Variants in LRIG1 observed in about 807,000 individuals in gnomAD.
LRIG1 encodes leucine-rich repeats and immunoglobulin-like domains protein 1.
A neutral mutation model predicts 99.2 loss-of-function variants in LRIG1; 48 were observed. The ratio of observed to expected loss-of-function variants is 0.48; its 90% CI spans 0.38 to 0.62. The LOEUF (loss-of-function observed/expected upper bound fraction) is 0.62. Among genes scored for constraint, LRIG1 ranks in the 20% least tolerant of loss-of-function variants. The pLI, the probability that LRIG1 is intolerant of heterozygous loss-of-function variation, is 0.00. For synonymous variants in LRIG1, 772 were observed against 596.1 expected (o/e 1.29, Z -4.30); for missense variants, 1,646 against 1,434.4 (o/e 1.15, Z -2.38).
chr3:66,397,887 G>T (rs1057243940), intron 11 of LRIG1, among the ~76,000 whole-genome samples: 4 of 152,216 alleles, frequency 2.6e-5, no homozygotes, highest in Non-Finnish European at 5.9e-5. Flanking sequence ...CTGTCAATGT[G>T]ACTTTATGGG....
intron 3 of LRIG1, among the ~76,000 whole-genome samples, chr3:66,445,588 G>C (rs1412229802): frequency 2.6e-5 from 4 of 152,064 alleles, no homozygotes; most frequent in African/African-American, 9.7e-5. Context: ...TGCACAAAGA[G>C]CTCCACCATC....
At chr3:66,387,985 T>C (rs1244446905) in intron 12 of LRIG1, 2 of 149,710 alleles carry the variant, frequency 1.3e-5, no homozygotes, top group Non-Finnish European at 3.0e-5. Flanking sequence ...CAGGTGCCTG[T>C]AGTCCCAGCT....
intron 8 of LRIG1, chr3:66,405,651 CAT>C (rs1289257133): frequency 1.0e-6 from 1 of 978,068 alleles, no homozygotes; most frequent in African/African-American, 1.7e-5. Flanking sequence ...CGTCTGCTCT[CAT>C]ACCAACCAGA....
At chr3:66,474,576 C>A (rs948587218) in intron 1 of LRIG1, among the ~76,000 whole-genome samples, 1 of 152,126 alleles carries the variant, frequency 6.6e-6, no homozygotes, top group African/African-American at 2.4e-5. Flanking sequence ...GAACTCCTGA[C>A]CTCAGGTGAT....
At chr3:66,382,490 C>A (rs1297049749) in intron 15 of LRIG1, 92 bp from the exon 16 acceptor site, 2 of 1,418,814 alleles carry the variant, frequency 1.4e-6, no homozygotes, top group South Asian at 2.4e-5. Context: ...GGGGATCCTC[C>A]CAGTGACGAC....
intron 3 of LRIG1, among the ~76,000 whole-genome samples, chr3:66,439,637 A>T (rs559721545): frequency 1.1e-4 from 16 of 152,252 alleles, no homozygotes; most frequent in Admixed American, 3.9e-4. Context: ...AGCTTAGAAT[A>T]AGTCAGTTTT....
intron 12 of LRIG1, among the ~76,000 whole-genome samples, chr3:66,389,747 C>T (rs148820039): frequency 1.9e-4 from 29 of 152,228 alleles, no homozygotes; most frequent in African/African-American, 6.3e-4. Context: ...CTTTCAACAA[C>T]GGATAGAACT....
chr3:66,418,113 G>A (rs1479207073), intron 3 of LRIG1, among the ~76,000 whole-genome samples: 1 of 145,566 alleles, frequency 6.9e-6, no homozygotes, highest in South Asian at 2.2e-4. Context: ...TTGTTTTTGA[G>A]ACAGAGTCTC....
intron 3 of LRIG1, among the ~76,000 whole-genome samples, chr3:66,431,829 C>G (rs1703182436): frequency 6.6e-6 from 1 of 152,186 alleles, no homozygotes; most frequent in African/African-American, 2.4e-5. Context: ...ACTCACACAC[C>G]TGGAGACTGT....
chr3:66,492,027 G>A (rs989291661), intron 1 of LRIG1, among the ~76,000 whole-genome samples: 3 of 152,188 alleles, frequency 2.0e-5, no homozygotes, highest in African/African-American at 7.2e-5. Context: ...AAAAGAAGCT[G>A]TACCTGCAAC....
intron 11 of LRIG1, among the ~76,000 whole-genome samples, chr3:66,395,414 G>T (rs950977791): frequency 6.6e-6 from 1 of 152,188 alleles, no homozygotes; most frequent in Non-Finnish European, 1.5e-5. Flanking sequence ...AGAATGAAGT[G>T]TAAGCAGATG....
At chr3:66,456,548 G>C (rs547326190) in intron 2 of LRIG1, among the ~76,000 whole-genome samples, 1 of 149,312 alleles carries the variant, frequency 6.7e-6, no homozygotes. Context: ...ACTCTAGCCT[G>C]GGCAACAGAG....
At position 66,382,965 on chromosome 3, in the gene LRIG1, C is replaced by T. The variant is rs139441807; in HGVS notation, c.2491+17G>A. On this transcript the variant is annotated intron_variant, in intron 15 of 18. Coordinates refer to ENST00000273261, the MANE Select transcript of LRIG1 (RefSeq NM_015541.3). ...TTCCTCCCTCCTTGAAAGTCAGCTC[C>T]GCTGGCAGGGCCTGACCTGTGTTGG... 2.3e-4 allele frequency: 363 copies of T among 1,579,374 alleles called. 1 individual carries two copies. The highest frequency in any genetic ancestry group is 2.0e-3 in the African/African-American group (150 of 74,498).
At chr3:66,419,672 C>T (rs1468354334) in intron 3 of LRIG1, among the ~76,000 whole-genome samples, 1 of 152,102 alleles carries the variant, frequency 6.6e-6, no homozygotes, top group Non-Finnish European at 1.5e-5. Context: ...ATGGATGCCA[C>T]AGTGGGCCAG....
chr3:66,404,163 A>G, intron 9 of LRIG1: 2 of 1,005,640 alleles, frequency 2.0e-6, no homozygotes, highest in Non-Finnish European at 2.7e-6. Context: ...ACCCTTGTAT[A>G]TAAAAGGTGC....
At chr3:66,476,556 C>A (rs140156164) in intron 1 of LRIG1, among the ~76,000 whole-genome samples, 332 of 152,294 alleles carry the variant, frequency 2.2e-3, no homozygotes, top group Non-Finnish European at 3.9e-3. Context: ...GTCCTCAAAT[C>A]CCCTTTTTCC....
At chr3:66,452,151 T>C (rs915422482) in intron 2 of LRIG1, among the ~76,000 whole-genome samples, 1 of 151,314 alleles carries the variant, frequency 6.6e-6, no homozygotes, top group Non-Finnish European at 1.5e-5. Flanking sequence ...TCAGAGACTC[T>C]CTTCCATTTG....
intron 14 of LRIG1, 145 bp from the exon 15 acceptor site, chr3:66,383,546 C>T (rs1312238330): frequency 4.0e-6 from 3 of 751,018 alleles, no homozygotes; most frequent in Non-Finnish European, 6.3e-6. Context: ...TGGAGAAGAC[C>T]CTTCAACTCA....
rs939629000 is a variant in LRIG1 at position 66,500,547 on chromosome 3, G to C, written c.-140C>G. On this transcript the variant is annotated 5_prime_UTR_variant, in exon 1 of 19. Coordinates refer to ENST00000273261, the MANE Select transcript of LRIG1 (RefSeq NM_015541.3). Reference sequence around the variant, plus strand: ...ATGGCCCCCGCCCCAAGTTCTCTCTGCGGCCGCGGCTCCGGCACTCAGCGT... The same window carrying C: ...ATGGCCCCCGCCCCAAGTTCTCTCTCCGGCCGCGGCTCCGGCACTCAGCGT... 7.1e-6 allele frequency: 3 copies of C among 425,266 alleles called. No homozygotes were observed. The highest frequency in any genetic ancestry group is 6.2e-5 in the African/African-American group (3 of 48,420). 26.3% of individuals were successfully genotyped at this position (425,266 alleles called of 1,614,324 possible).
Sources: gnomAD v4.1 joint callset for allele counts (sites outside exome capture counted in the v4.1 genomes callset) on GRCh38, gnomAD v4.1.1 for gene constraint, MANE v1.5 for transcripts, NCBI Gene and HGNC (gene_info 2026-07-23, HGNC 2026-07-21) for gene names.